Variants in ZBTB44 observed in about 807,000 individuals in gnomAD.
ZBTB44 encodes zinc finger and BTB domain-containing protein 44.
In ZBTB44, 15 loss-of-function variants were observed where a neutral mutation model predicts 54.0. The observed-to-expected ratio is 0.28, with a 90% CI of 0.19 to 0.43. The LOEUF (loss-of-function observed/expected upper bound fraction) is 0.43, where lower values mean the gene tolerates loss of function less well. Among genes scored for constraint, ZBTB44 ranks in the 20% least tolerant of loss-of-function variants. The pLI is 1.00. For synonymous variants in ZBTB44, 230 were observed against 250.1 expected, an observed-to-expected ratio of 0.92 and a Z score of 0.76; for missense variants, 487 against 707.1, an observed-to-expected ratio of 0.69 and a Z score of 3.53.
chr11:130,301,739 C>T (rs1490497714), intron 1 of ZBTB44, among the ~76,000 whole-genome samples: 1 of 152,046 alleles, frequency 6.6e-6, no homozygotes, highest in Non-Finnish European at 1.5e-5. Context: ...CTGCTTTGAA[C>T]CATTTTATAT....
At chr11:130,235,897 G>A (rs1031079476) in intron 5 of ZBTB44, among the ~76,000 whole-genome samples, 8 of 151,620 alleles carry the variant, frequency 5.3e-5, no homozygotes, top group Admixed American at 4.6e-4. Context: ...AGCTACTCAG[G>A]AGGCTGAGGT....
intron 5 of ZBTB44, chr11:130,236,119 TTCTC>T (rs1565642795): frequency 4.7e-6 from 6 of 1,283,898 alleles, no homozygotes; most frequent in Non-Finnish European, 6.1e-6. Context: ...CATTTTATCT[TTCTC>T]TAAGTTTCAA....
intron 1 of ZBTB44, among the ~76,000 whole-genome samples, chr11:130,271,107 G>C (rs1190220500): frequency 1.3e-5 from 2 of 152,114 alleles, no homozygotes; most frequent in Non-Finnish European, 2.9e-5. Flanking sequence ...ATACAACAGA[G>C]TGAAATATAT....
In ZBTB44 at chr11:130,230,209, A is replaced by G. The variant is rs900169813; in HGVS notation, c.*1555T>C. 9.9e-5 allele frequency: 15 copies of G among 152,020 alleles called. No individual in the cohort carries two copies. Among genetic ancestry groups the G allele is most frequent in the African/African-American group, 3.6e-4 (15 of 41,436 alleles). The allele number at this position is 152,020 out of a possible 1,614,324, so 9.4% of individuals were successfully genotyped here. ...CTGATAAAATAGATAACTGGCCTCTATTTAGATTAAGAGAAAAAATTAGAA... is the reference window on the plus strand; with the variant it reads ...CTGATAAAATAGATAACTGGCCTCTGTTTAGATTAAGAGAAAAAATTAGAA... On this transcript the variant is annotated 3_prime_UTR_variant, in exon 8 of 8. Coordinates refer to ENST00000357899, the MANE Select transcript of ZBTB44 (RefSeq NM_001301098.2).
intron 7 of ZBTB44, 101 bp downstream of exon 7, chr11:130,233,207 C>G (rs1201132701): frequency 5.8e-5 from 85 of 1,457,790 alleles, no homozygotes; most frequent in Non-Finnish European, 7.4e-5. Flanking sequence ...CTGATCCGGG[C>G]AATGACACAG....
At chr11:130,295,802 G>C (rs1671079) in intron 1 of ZBTB44, 1,402,847 of 1,411,064 alleles carry the variant, frequency 0.99, 697,345 homozygotes, top group East Asian at 1. Context: ...AGGAATGCAT[G>C]CGGAGTCCTT....
chr11:130,296,618 C>A, intron 1 of ZBTB44: 1 of 884,132 alleles, frequency 1.1e-6, no homozygotes, highest in Non-Finnish European at 1.9e-6. Context: ...TGGGAGAAGA[C>A]ATGCCTTGCC....
chr11:130,252,564 G>A (rs541491914), intron 2 of ZBTB44, among the ~76,000 whole-genome samples: 22 of 152,180 alleles, frequency 1.4e-4, no homozygotes, highest in African/African-American at 3.6e-4. Flanking sequence ...AACGGAAATC[G>A]TAACAAACAG....
chr11:130,260,770 C>T lies in ZBTB44; in HGVS notation c.1018+86G>A, dbSNP rs987727736. ...CTCTTCTTTATATTTCCTATATGAC[C>T]GAGCACAAAACTTTTTATCTAACAG... On this transcript the variant is annotated intron_variant, in intron 2 of 7. Coordinates refer to ENST00000357899, the MANE Select transcript of ZBTB44 (RefSeq NM_001301098.2). The T allele has an allele frequency of 2.0e-5, 29 of 1,426,948 alleles. No homozygotes were observed. In the Admixed American group the frequency reaches 2.1e-4, roughly 10 times the overall value. 88.4% of individuals were successfully genotyped at this position (1,426,948 alleles called of 1,614,324 possible). A position where few individuals can be genotyped will look rare whatever the true frequency, so the allele number is the denominator to read the frequency against.
chr11:130,314,064 C>G (rs891494561), intron 1 of ZBTB44, among the ~76,000 whole-genome samples: 4 of 93,846 alleles, frequency 4.3e-5, no homozygotes, highest in Admixed American at 1.4e-4. Context: ...CGGGTTCGAC[C>G]AGGTGAGAGG....
At chr11:130,305,106 C>T (rs774203297) in intron 1 of ZBTB44, among the ~76,000 whole-genome samples, 2 of 152,084 alleles carry the variant, frequency 1.3e-5, no homozygotes, top group Admixed American at 6.6e-5. Flanking sequence ...AACAAATCAT[C>T]GATGACACAA....
At chr11:130,234,772 T>C (rs1954032987) in intron 5 of ZBTB44, among the ~76,000 whole-genome samples, 1 of 152,186 alleles carries the variant, frequency 6.6e-6, no homozygotes, top group South Asian at 2.1e-4. Flanking sequence ...TTGGGAAATG[T>C]AGAAAGTAAT....
intron 1 of ZBTB44, among the ~76,000 whole-genome samples, chr11:130,287,413 C>CG (rs1456232791): frequency 6.6e-6 from 1 of 152,144 alleles, no homozygotes; most frequent in Non-Finnish European, 1.5e-5. Flanking sequence ...AGTCTTAGCT[C>CG]TCTAGTCTTC....
Position 130,227,888 on chromosome 11 carries a change from G to T in ZBTB44, c.*3876C>A, listed in dbSNP as rs796743639. The T allele has an allele frequency of 1.1e-4, 16 of 152,204 alleles. No homozygotes were observed. Among genetic ancestry groups the T allele is most frequent in the African/African-American group, 3.9e-4 (16 of 41,532 alleles). 9.4% of individuals were successfully genotyped at this position (152,204 alleles called of 1,614,324 possible). ...CTTTCTCATTATGCTTCTCTGGAAAGACACTTCTAAATCCTGGAGATTAAA... is the reference window on the plus strand; with the variant it reads ...CTTTCTCATTATGCTTCTCTGGAAATACACTTCTAAATCCTGGAGATTAAA... On this transcript the variant is annotated 3_prime_UTR_variant, in exon 8 of 8. Coordinates refer to ENST00000357899, the MANE Select transcript of ZBTB44 (RefSeq NM_001301098.2).
intron 5 of ZBTB44, among the ~76,000 whole-genome samples, chr11:130,234,661 G>C (rs1280411669): frequency 6.6e-6 from 1 of 152,196 alleles, no homozygotes; most frequent in Non-Finnish European, 1.5e-5. Context: ...CATTGAGTAA[G>C]AGATATATAA....
chr11:130,282,489 T>G (rs183501698), intron 1 of ZBTB44, among the ~76,000 whole-genome samples: 81 of 152,388 alleles, frequency 5.3e-4, no homozygotes, highest in Admixed American at 1.8e-3. Flanking sequence ...TTTCTAAAGC[T>G]GAATATAAAC....
chr11:130,300,762 A>G (rs189392502), intron 1 of ZBTB44, among the ~76,000 whole-genome samples: 63 of 152,320 alleles, frequency 4.1e-4, no homozygotes, highest in African/African-American at 1.5e-3. Flanking sequence ...ATAATAGCAT[A>G]TAAGAAAAAA....
chr11:130,279,308 T>TAAA (rs757969480), intron 1 of ZBTB44, among the ~76,000 whole-genome samples: 115 of 110,142 alleles, frequency 1.0e-3, no homozygotes, highest in African/African-American at 3.6e-3. Context: ...TACTGTTATT[T>TAAA]AAAAAAAAAA....
intron 2 of ZBTB44, among the ~76,000 whole-genome samples, chr11:130,249,700 A>G (rs1305728871): frequency 6.6e-6 from 1 of 152,192 alleles, no homozygotes. Context: ...GAGCCAAGGA[A>G]AGCAGTGAGG....
Sources: gnomAD v4.1 joint callset for allele counts (sites outside exome capture counted in the v4.1 genomes callset) on GRCh38, gnomAD v4.1.1 for gene constraint, MANE v1.5 for transcripts, NCBI Gene and HGNC (gene_info 2026-07-23, HGNC 2026-07-21) for gene names.